The following DARS1 variants were observed in gnomAD, a reference collection of about 807,000 sequenced individuals.
DARS1 encodes the protein aspartate--tRNA ligase, cytoplasmic.
A neutral mutation model predicts 68.8 loss-of-function variants in DARS1; 51 were observed. The ratio of observed to expected loss-of-function variants is 0.74; its 90% CI spans 0.59 to 0.94. The LOEUF is 0.94. Ranked by LOEUF, DARS1 falls within the 40% of genes least tolerant of loss-of-function variation. The probability of loss-of-function intolerance (pLI) is 0.00; values close to 1 mark genes in which losing one functional copy is unlikely to be tolerated. For missense variants in DARS1, 607 were observed against 597.3 expected, an observed-to-expected ratio of 1.02 and a Z score of -0.17; for synonymous variants, 203 against 190.4, an observed-to-expected ratio of 1.07 and a Z score of -0.55.
intron 5 of DARS1, among the ~76,000 whole-genome samples, chr2:135,937,214 G>A (rs1681489469): frequency 6.6e-6 from 1 of 152,014 alleles, no homozygotes; most frequent in Admixed American, 6.6e-5. Context: ...TCAGCCTCCT[G>A]AGTAGCTGGG....
rs1289961698 is a variant in DARS1, at chr2:135,932,861, A to G, written c.505-19T>C. 9.0e-7 allele frequency: 1 copy of G among 1,106,824 alleles called. No individual in the cohort carries two copies. Among genetic ancestry groups the G allele is most frequent in the South Asian group, 1.4e-5 (1 of 71,646 alleles). 68.6% of individuals were successfully genotyped at this position (1,106,824 alleles called of 1,614,324 possible). On this transcript the variant is annotated intron_variant, in intron 6 of 15. Coordinates refer to ENST00000264161, the MANE Select transcript of DARS1 (RefSeq NM_001349.4). ...TTCCTTCCTAAAAAAAAAAAAAAAG[A>G]AAAGAAAAAAATAAATTTTACTAAT...
chr2:135,981,553 CA>C (rs1682632582), intron 2 of DARS1, among the ~76,000 whole-genome samples: 1 of 151,780 alleles, frequency 6.6e-6, no homozygotes, highest in Admixed American at 6.6e-5. Flanking sequence ...TTCCAAAGTC[CA>C]AAAAAATAAA....
At chr2:135,932,721 G>T in intron 7 of DARS1, 62 bp downstream of exon 7, 1 of 818,728 alleles carries the variant, frequency 1.2e-6, no homozygotes. Flanking sequence ...AGACAGGTAT[G>T]GTATCCCTGC....
Position 135,973,350 on chromosome 2 carries a change from C to T in DARS1, c.217+5924G>A, listed in dbSNP as rs114977327. 3.8e-3 allele frequency among the ~76,000 whole-genome samples: 584 copies of T among 152,012 alleles called. 6 individuals are homozygous for T. Among genetic ancestry groups the T allele is most frequent in the African/African-American group, 0.013 (555 of 41,430 alleles). On this transcript the variant is annotated intron_variant, in intron 3 of 15. Coordinates refer to ENST00000264161, the MANE Select transcript of DARS1 (RefSeq NM_001349.4). ...GACAAACATCGCATATTCTCACTTA[C>T]TTGTGGGATCTTAAAATCAAAACAA...
At chr2:135,913,490 C>T (rs1021929799) in intron 12 of DARS1, among the ~76,000 whole-genome samples, 10 of 152,120 alleles carry the variant, frequency 6.6e-5, no homozygotes, top group African/African-American at 2.4e-4. Flanking sequence ...GGCGCGGTGG[C>T]TCATGCCTGT....
intron 4 of DARS1, among the ~76,000 whole-genome samples, chr2:135,960,391 AG>A (rs1682074225): frequency 6.6e-6 from 1 of 152,178 alleles, no homozygotes; most frequent in Non-Finnish European, 1.5e-5. Flanking sequence ...ATTGTGCTAG[AG>A]GGTCAGGGAG....
In DARS1 at chr2:135,924,385, A is replaced by C; in HGVS notation, c.676+2T>G. 5 of 1,591,328 alleles carry C rather than the reference A, an allele frequency of 3.1e-6. No homozygotes were observed. The highest frequency in any genetic ancestry group is 4.3e-6 in the Non-Finnish European group (5 of 1,173,902). Reference sequence around the variant, plus strand: ...AATTAAGAGAAATATTTTGAAGCATACCTGAAATAATTTTAGGAGTTTGGA... The same window carrying C: ...AATTAAGAGAAATATTTTGAAGCATCCCTGAAATAATTTTAGGAGTTTGGA... On this transcript the variant is annotated splice_donor_variant, in intron 8 of 15. Transcript: ENST00000264161. LOFTEE classifies it high-confidence loss of function.
intron 4 of DARS1, among the ~76,000 whole-genome samples, chr2:135,945,679 G>C (rs183253510): frequency 3.9e-5 from 6 of 152,258 alleles, no homozygotes; most frequent in Admixed American, 2.6e-4. Flanking sequence ...AGCTAGTCTA[G>C]AAAACAACTA....
intron 3 of DARS1, among the ~76,000 whole-genome samples, chr2:135,964,349 A>G (rs993920547): frequency 6.6e-6 from 1 of 152,200 alleles, no homozygotes; most frequent in African/African-American, 2.4e-5. Flanking sequence ...ATCAGAATAA[A>G]AATTTTTTAA....
chr2:135,965,200 A>G (rs1682196323), intron 3 of DARS1, among the ~76,000 whole-genome samples: 1 of 152,200 alleles, frequency 6.6e-6, no homozygotes, highest in South Asian at 2.1e-4. Flanking sequence ...ATATTAAACT[A>G]TATCACGGAG....
intron 9 of DARS1, among the ~76,000 whole-genome samples, chr2:135,921,985 A>C (rs942450894): frequency 1.1e-4 from 16 of 152,232 alleles, no homozygotes; most frequent in Non-Finnish European, 1.8e-4. Flanking sequence ...AAGGTATCAA[A>C]AAACATATAT....
Position 135,961,470 on chromosome 2 carries a change from C to CT in DARS1, c.245dup (p.Gln83AlafsTer4). 1 of 1,527,248 alleles carries CT rather than the reference C, an allele frequency of 6.5e-7. No individual in the cohort carries two copies. Among genetic ancestry groups the CT allele is most frequent in the Non-Finnish European group, 9.1e-7 (1 of 1,100,596 alleles). 94.6% of individuals were successfully genotyped at this position (1,527,248 alleles called of 1,614,324 possible). On this transcript the variant is annotated frameshift_variant, in exon 4 of 16. Coordinates refer to ENST00000264161, the MANE Select transcript of DARS1 (RefSeq NM_001349.4). LOFTEE classifies it high-confidence loss of function. ...CAAGAGCCTGGACATTAAACTGCTG[C>CT]TGACGTAGGACTAAGAAGCACTGTT...
chr2:135,967,874 A>G (rs1682271447), intron 3 of DARS1, among the ~76,000 whole-genome samples: 1 of 152,128 alleles, frequency 6.6e-6, no homozygotes, highest in Non-Finnish European at 1.5e-5. Flanking sequence ...AGTCATATTT[A>G]TTGATATGAT....
chr2:135,943,560 G>A, intron 4 of DARS1, 80 bp from the exon 5 acceptor site: 1 of 1,545,494 alleles, frequency 6.5e-7, no homozygotes. Flanking sequence ...CAGTAAAGCT[G>A]AATATGTTAA....
At chr2:135,969,380 T>C (rs1682316725) in intron 3 of DARS1, among the ~76,000 whole-genome samples, 1 of 151,698 alleles carries the variant, frequency 6.6e-6, no homozygotes, top group East Asian at 1.9e-4. Flanking sequence ...TAAGAATGAA[T>C]AATAAAAAAA....
chr2:135,977,569 G>C (rs1181988916), intron 3 of DARS1, among the ~76,000 whole-genome samples: 1 of 152,240 alleles, frequency 6.6e-6, no homozygotes. Context: ...ACGGGAGAGA[G>C]ACGAGTAAAT....
At chr2:135,966,291 G>T (rs1473907703) in intron 3 of DARS1, among the ~76,000 whole-genome samples, 1 of 151,540 alleles carries the variant, frequency 6.6e-6, no homozygotes, top group Admixed American at 6.6e-5. Context: ...TCTACTACTG[G>T]AATTTTTATT....
intron 7 of DARS1, among the ~76,000 whole-genome samples, chr2:135,930,010 G>A (rs747110233): frequency 6.6e-6 from 1 of 152,048 alleles, no homozygotes; most frequent in African/African-American, 2.4e-5. Flanking sequence ...TTAAGTCAAG[G>A]CAAGTACATG....
chr2:135,939,154 C>T (rs1426522436), intron 5 of DARS1, among the ~76,000 whole-genome samples: 5 of 152,162 alleles, frequency 3.3e-5, no homozygotes, highest in East Asian at 1.9e-4. Context: ...CTGCACCAAG[C>T]GGACCTAATA....
Sources: allele counts gnomAD v4.1 joint callset (sites outside exome capture counted in the v4.1 genomes callset), GRCh38; gene constraint gnomAD v4.1.1; transcripts MANE v1.5; gene names NCBI Gene and HGNC (gene_info 2026-07-23, HGNC 2026-07-21).